Variants in ELAVL2 observed in about 807,000 individuals in gnomAD.
ELAVL2 encodes the protein ELAV like RNA binding protein 2, also known as ELAV-like protein 2.
In ELAVL2, 4 loss-of-function variants were observed where a neutral mutation model predicts 34.6. The ratio of observed to expected loss-of-function variants is 0.12; its 90% CI spans 0.06 to 0.26. ELAVL2 has a LOEUF of 0.26. Ranked by LOEUF, ELAVL2 falls within the 10% of genes least tolerant of loss-of-function variation. ELAVL2 has a pLI of 1.00. For missense variants in ELAVL2, 432 were observed against 442.8 expected (o/e 0.98, Z 0.22); for synonymous variants, 193 against 154.8 (o/e 1.25, Z -1.83).
At chr9:23,783,560 GA>G in intron 1 of ELAVL2, 1 of 935,708 alleles carries the variant, frequency 1.1e-6, no homozygotes, top group Non-Finnish European at 1.3e-6. Context: ...CCACTAAAAG[GA>G]CACAGAAGAA....
rs879275152 is a variant in ELAVL2, at chr9:23,821,702, T to TGGC, written c.-16+4101_-16+4103dup. The TGGC allele has an allele frequency of 1.8e-3, 270 of 151,848 alleles. 3 individuals are homozygous for TGGC. The highest frequency in any genetic ancestry group is 7.5e-3 in the East Asian group (38 of 5,072). 9.4% of individuals were successfully genotyped at this position (151,848 alleles called of 1,614,324 possible). ...CGGGGCGAGCTCCGCGGAGAGGCGG[T>TGGC]GGCGGCGGCGGCGGCGGGAAAGGGG... On this transcript the variant is annotated intron_variant, in intron 1 of 6. Transcript: ENST00000397312.
intron 1 of ELAVL2, among the ~76,000 whole-genome samples, chr9:23,770,300 T>A (rs182630902): frequency 1.3e-5 from 2 of 152,190 alleles, no homozygotes; most frequent in African/African-American, 4.8e-5. Flanking sequence ...CAGGCCTCAA[T>A]GAAAAGGTGA....
At chr9:23,777,481 C>T (rs1369245757) in intron 1 of ELAVL2, among the ~76,000 whole-genome samples, 1 of 152,096 alleles carries the variant, frequency 6.6e-6, no homozygotes, top group Non-Finnish European at 1.5e-5. Context: ...TACCCTTCTG[C>T]CCCACCCAAG....
intron 1 of ELAVL2, among the ~76,000 whole-genome samples, chr9:23,763,572 A>G (rs914722126): frequency 7.9e-5 from 12 of 152,168 alleles, no homozygotes; most frequent in African/African-American, 2.9e-4. Context: ...GAAAAAAAGC[A>G]AAGTAAAGGG....
intron 2 of ELAVL2, among the ~76,000 whole-genome samples, chr9:23,731,421 C>A (rs964623911): frequency 1.3e-5 from 2 of 152,068 alleles, no homozygotes; most frequent in African/African-American, 2.4e-5. Context: ...AAGACAAGGT[C>A]AGCTTCATAA....
At chr9:23,709,333 G>A (rs999184667) in intron 3 of ELAVL2, among the ~76,000 whole-genome samples, 3 of 152,164 alleles carry the variant, frequency 2.0e-5, no homozygotes, top group African/African-American at 4.8e-5. Context: ...AAGGCTGATA[G>A]TGGGATAAGG....
the ELAVL2 span, among the ~76,000 whole-genome samples, chr9:23,848,936 G>A: frequency 6.6e-6 from 1 of 152,128 alleles, no homozygotes; most frequent in African/African-American, 2.4e-5. Context: ...CATGGCAACA[G>A]CCCTGGATAA....
chr9:23,742,316 G>A lies in ELAVL2; in HGVS notation c.230-11191C>T, dbSNP rs189343909. Among the ~76,000 whole-genome samples, 39 of 152,294 alleles carry A rather than the reference G, an allele frequency of 2.6e-4. No homozygotes were observed. In the East Asian group the frequency reaches 3.1e-3, roughly 12 times the overall value. On this transcript the variant is annotated intron_variant, in intron 2 of 6. Coordinates refer to ENST00000397312, the MANE Select transcript of ELAVL2 (RefSeq NM_004432.5). ...TAAGCTGCTATTATGAGTGGACAAAGTGTTAATAACTACCACAGTAAATGG... is the reference window on the plus strand; with the variant it reads ...TAAGCTGCTATTATGAGTGGACAAAATGTTAATAACTACCACAGTAAATGG...
chr9:23,775,090 G>T (rs937926132), intron 1 of ELAVL2, among the ~76,000 whole-genome samples: 1 of 152,178 alleles, frequency 6.6e-6, no homozygotes, highest in African/African-American at 2.4e-5. Context: ...TGGGATTTGA[G>T]TATCTTTTGC....
intron 2 of ELAVL2, among the ~76,000 whole-genome samples, chr9:23,732,032 TCA>T (rs1175795199): frequency 6.6e-6 from 1 of 152,174 alleles, no homozygotes; most frequent in Non-Finnish European, 1.5e-5. Flanking sequence ...AGCAAGTTTC[TCA>T]GTTTGAAATG....
chr9:23,781,606 C>T (rs989123142), intron 1 of ELAVL2, among the ~76,000 whole-genome samples: 2 of 151,460 alleles, frequency 1.3e-5, no homozygotes, highest in African/African-American at 2.4e-5. Flanking sequence ...CTGCAGCCTC[C>T]TGGGCTCAAG....
At chr9:23,730,641 G>C (rs866703792) in intron 3 of ELAVL2, among the ~76,000 whole-genome samples, 47 of 152,118 alleles carry the variant, frequency 3.1e-4, no homozygotes, top group Admixed American at 4.6e-4. Flanking sequence ...GCAGAGTTGA[G>C]AAGTTGTGAC....
chr9:23,821,011 G>A (rs1402168633), intron 1 of ELAVL2, among the ~76,000 whole-genome samples: 1 of 152,206 alleles, frequency 6.6e-6, no homozygotes, highest in Non-Finnish European at 1.5e-5. Context: ...ACACAACGCG[G>A]CCGGTGTTAA....
chr9:23,809,234 T>C (rs1476736777), intron 1 of ELAVL2, among the ~76,000 whole-genome samples: 1 of 152,122 alleles, frequency 6.6e-6, no homozygotes. Flanking sequence ...TCTGATGACC[T>C]TATTTTCTCA....
intron 3 of ELAVL2, among the ~76,000 whole-genome samples, chr9:23,709,902 A>G (rs1049309604): frequency 1.3e-5 from 2 of 152,092 alleles, no homozygotes; most frequent in African/African-American, 4.8e-5. Context: ...ACACCAATCT[A>G]CTCCAAAGAT....
chr9:23,694,327 C>A (rs2034340150), intron 5 of ELAVL2, among the ~76,000 whole-genome samples: 1 of 151,670 alleles, frequency 6.6e-6, no homozygotes, highest in Non-Finnish European at 1.5e-5. Flanking sequence ...TTAAAACCTT[C>A]TACATTTTTC....
intron 3 of ELAVL2, among the ~76,000 whole-genome samples, chr9:23,723,609 C>G (rs1047769303): frequency 2.0e-5 from 3 of 151,684 alleles, no homozygotes; most frequent in African/African-American, 7.3e-5. Flanking sequence ...CCATCCAGAT[C>G]AGTTTCAATT....
At chr9:23,700,501 A>T (rs1217832216) in intron 5 of ELAVL2, among the ~76,000 whole-genome samples, 2 of 152,212 alleles carry the variant, frequency 1.3e-5, no homozygotes, top group Admixed American at 1.3e-4. Context: ...TTTGGGCTAA[A>T]GCCACGGTCA....
intron 1 of ELAVL2, among the ~76,000 whole-genome samples, chr9:23,771,563 C>T (rs572688584): frequency 1.3e-5 from 2 of 152,078 alleles, no homozygotes; most frequent in African/African-American, 4.8e-5. Flanking sequence ...AATCCACTGC[C>T]AGCTTCTTAA....
Sources: gnomAD v4.1 joint callset for allele counts (sites outside exome capture counted in the v4.1 genomes callset) on GRCh38, gnomAD v4.1.1 for gene constraint, MANE v1.5 for transcripts, NCBI Gene and HGNC (gene_info 2026-07-23, HGNC 2026-07-21) for gene names.